The following PDS5B variants were observed in gnomAD, a reference collection of about 807,000 sequenced individuals.
PDS5B encodes the protein sister chromatid cohesion protein PDS5 homolog B.
PDS5B carries 51 observed loss-of-function variants against 184.1 expected under a neutral mutation model. The observed-to-expected ratio is 0.28, with a 90% CI of 0.22 to 0.35. The LOEUF is 0.35. PDS5B is among the 10% of genes least tolerant of loss of function. PDS5B has a pLI of 1.00. For synonymous variants in PDS5B, 566 were observed against 569.2 expected (o/e 0.99, Z 0.08); for missense variants, 1,180 against 1,723.3 (o/e 0.68, Z 5.58).
At chr13:32,706,535 G>A (rs971145170) in intron 17 of PDS5B, among the ~76,000 whole-genome samples, 8 of 152,068 alleles carry the variant, frequency 5.3e-5, no homozygotes, top group Admixed American at 5.2e-4. Flanking sequence ...TGGTTTGGAA[G>A]TGCTTAATGT....
rs117256489 is a variant in PDS5B at position 32,594,089 on chromosome 13, A to G, written c.-20+7496A>G. ...TGTATATGTTGAAGTATCACCATGTAACCCACAAACATGTACAATTATATG... is the reference window on the plus strand; with the variant it reads ...TGTATATGTTGAAGTATCACCATGTGACCCACAAACATGTACAATTATATG... On this transcript the variant is annotated intron_variant, in intron 1 of 34. Transcript: ENST00000315596. Among the ~76,000 whole-genome samples, 95 of 152,348 alleles carry G rather than the reference A, an allele frequency of 6.2e-4. No individual in the cohort carries two copies. The East Asian group carries it at 0.017, about 27-fold the overall frequency.
At position 32,755,877 on chromosome 13, in the gene PDS5B, C is replaced by A; in HGVS notation, c.2977C>A (p.Pro993Thr). 6.5e-7 allele frequency: 1 copy of A among 1,543,270 alleles called. No individual in the cohort carries two copies. ...LLSLLPEYVV[P>T]YTIHLLAHDP... ...GTCTCTTCTACCAGAGTATGTTGTT[C>A]CATATACAATTCACCTTTTGGCACA... The change falls in exon 26 of 35, where the codon CCA becomes ACA. Residue 993 changes from proline to threonine, a missense_variant. Physicochemically the swap from Pro to Thr is conservative, Grantham distance 38 (BLOSUM62 -1). Transcript: ENST00000315596.
At chr13:32,589,374 A>T (rs536344148) in intron 1 of PDS5B, among the ~76,000 whole-genome samples, 1 of 152,272 alleles carries the variant, frequency 6.6e-6, no homozygotes, top group East Asian at 1.9e-4. Context: ...TATTCATTTA[A>T]CCAAGAATAA....
chr13:32,613,428 C>T (rs1335538838), intron 1 of PDS5B, among the ~76,000 whole-genome samples: 9 of 152,286 alleles, frequency 5.9e-5, no homozygotes, highest in African/African-American at 1.9e-4. Context: ...TGATTATAGT[C>T]ATTGCAGTGG....
chr13:32,675,026 A>G (rs1951029923), intron 8 of PDS5B, among the ~76,000 whole-genome samples: 1 of 152,014 alleles, frequency 6.6e-6, no homozygotes, highest in East Asian at 1.9e-4. Context: ...CGAATAAAGA[A>G]AGAAATAATA....
At chr13:32,762,830 A>G (rs930728431) in intron 30 of PDS5B, among the ~76,000 whole-genome samples, 5 of 152,036 alleles carry the variant, frequency 3.3e-5, no homozygotes, top group African/African-American at 4.8e-5. Flanking sequence ...AATTGTGTAT[A>G]TTGTATCACT....
At chr13:32,691,875 A>T (rs1475094071) in intron 13 of PDS5B, among the ~76,000 whole-genome samples, 1 of 152,076 alleles carries the variant, frequency 6.6e-6, no homozygotes. Context: ...AATTTTTCCT[A>T]ATCTTATGAG....
At chr13:32,753,194 C>A in intron 24 of PDS5B, 138 bp from the exon 25 acceptor site, 1 of 622,478 alleles carries the variant, frequency 1.6e-6, no homozygotes, top group South Asian at 2.1e-5. Context: ...CAACATCTCA[C>A]TCTTGTGAGC....
At chr13:32,694,124 C>T (rs1250259420) in intron 13 of PDS5B, 99 bp from the exon 14 acceptor site, 2 of 775,936 alleles carry the variant, frequency 2.6e-6, no homozygotes, top group African/African-American at 3.7e-5. Flanking sequence ...TCTCTGTCAT[C>T]TCCTTTTATA....
Position 32,773,274 on chromosome 13 carries a change from G to A in PDS5B, c.4258G>A (p.Asp1420Asn), listed in dbSNP as rs770523903. 15 of 1,613,062 alleles carry A rather than the reference G, an allele frequency of 9.3e-6. No individual in the cohort carries two copies. The highest frequency in any genetic ancestry group is 1.7e-5 in the Admixed American group (1 of 59,876). The change falls in exon 34 of 35, where the codon GAT (aspartate) becomes AAT (asparagine). Residue 1420 changes from aspartate to asparagine, a missense_variant. This residue lies in a region of PDS5B where 465 missense variants were observed against 497.8 expected (regional missense o/e 0.93). Transcript: ENST00000315596. ...VDVFQGSSPV[D>N]DIPQEETEEE... is the part of the protein sequence containing the mutation. Reference sequence around the variant, plus strand: ...TGTGTTTCAGGGTAGCTCTCCTGTCGATGATATTCCACAGGAAGAAACAGA... The same window carrying A: ...TGTGTTTCAGGGTAGCTCTCCTGTCAATGATATTCCACAGGAAGAAACAGA...
At chr13:32,656,101 G>A (rs1333779713) in intron 3 of PDS5B, among the ~76,000 whole-genome samples, 1 of 152,024 alleles carries the variant, frequency 6.6e-6, no homozygotes, top group Non-Finnish European at 1.5e-5. Context: ...CTCATTGCTT[G>A]TTTTTGTGCT....
chr13:32,777,891 T>G lies in PDS5B; in HGVS notation c.*2839T>G, dbSNP rs1471817601. The G allele has an allele frequency of 6.6e-6, 1 of 152,490 alleles. No homozygotes were observed. Among genetic ancestry groups the G allele is most frequent in the Non-Finnish European group, 1.5e-5 (1 of 67,876 alleles). The allele number at this position is 152,490 out of a possible 1,614,324, so 9.4% of individuals were successfully genotyped here. On this transcript the variant is annotated 3_prime_UTR_variant, in exon 35 of 35. Coordinates refer to ENST00000315596, the MANE Select transcript of PDS5B (RefSeq NM_015032.4). ...GAATGTCAGGAATTTAAGAATTTGTTTAAATTAGGCATATCTCTGCCATCA... is the reference window on the plus strand; with the variant it reads ...GAATGTCAGGAATTTAAGAATTTGTGTAAATTAGGCATATCTCTGCCATCA...
intron 1 of PDS5B, among the ~76,000 whole-genome samples, chr13:32,592,374 G>C (rs574822559): frequency 6.6e-6 from 1 of 152,124 alleles, no homozygotes; most frequent in African/African-American, 2.4e-5. Flanking sequence ...TCCTGCCTCA[G>C]CCTTCTGAGT....
chr13:32,687,353 C>A, intron 12 of PDS5B, 68 bp downstream of exon 12: 1 of 1,215,044 alleles, frequency 8.2e-7, no homozygotes, highest in Non-Finnish European at 1.1e-6. Context: ...TTGTTTTATG[C>A]AAACTATTTT....
chr13:32,754,577 CTCTT>C (rs1472213480), intron 25 of PDS5B, among the ~76,000 whole-genome samples: 5 of 126,696 alleles, frequency 3.9e-5, no homozygotes, highest in Non-Finnish European at 7.4e-5. Flanking sequence ...CACTGTGACC[CTCTT>C]TCTTTTTTTT....
intron 19 of PDS5B, among the ~76,000 whole-genome samples, chr13:32,711,929 T>G (rs1240181319): frequency 6.6e-6 from 1 of 152,220 alleles, no homozygotes; most frequent in East Asian, 1.9e-4. Context: ...TATCCTAGTT[T>G]TCCAAATGAG....
At chr13:32,716,547 G>C (rs1952426879) in intron 19 of PDS5B, among the ~76,000 whole-genome samples, 1 of 151,928 alleles carries the variant, frequency 6.6e-6, no homozygotes, top group Non-Finnish European at 1.5e-5. Context: ...CCACCCGGCA[G>C]CCACCCCATC....
At chr13:32,628,880 G>T (rs746317581) in intron 1 of PDS5B, among the ~76,000 whole-genome samples, 16 of 151,414 alleles carry the variant, frequency 1.1e-4, no homozygotes, top group African/African-American at 3.9e-4. Context: ...TTTTCCACTT[G>T]TTTTAAACAG....
In PDS5B at chr13:32,742,611, G is replaced by A; in HGVS notation, c.2496G>A (p.Met832Ile). ...AATAGATTCAGGCTATTAAAATGAT[G>A]GTTCGATGGCTACTTGGAATGAAAA... ...TMVKIQAIKMMVRWLLGMKNN... is the reference protein window; with the variant it reads ...TMVKIQAIKMIVRWLLGMKNN... The change falls in exon 23 of 35, where the codon ATG becomes ATA. Residue 832 changes from methionine (M) to isoleucine (I), a missense_variant. Met to Ile is a conservative substitution (Grantham distance 10, BLOSUM62 1). Coordinates refer to ENST00000315596, the MANE Select transcript of PDS5B (RefSeq NM_015032.4). 5 of 1,611,304 alleles carry A rather than the reference G, an allele frequency of 3.1e-6. No individual in the cohort carries two copies. The highest frequency in any genetic ancestry group is 4.2e-6 in the Non-Finnish European group (5 of 1,178,116).
Sources: gnomAD v4.1 joint callset for allele counts (sites outside exome capture counted in the v4.1 genomes callset) on GRCh38, gnomAD v4.1.1 for gene constraint, gnomAD v4.1.1 regional missense constraint, MANE v1.5 for transcripts, NCBI Gene and HGNC (gene_info 2026-07-23, HGNC 2026-07-21) for gene names.